MDGA2: variants seen among roughly 807,000 people sequenced by gnomAD.
MDGA2 encodes the protein MAM domain containing glycosylphosphatidylinositol anchor 2.
Under a neutral mutation model 117.8 loss-of-function variants are expected in MDGA2, and 40 were observed. That is an observed-to-expected ratio of 0.34 (90% CI 0.26 to 0.44). The LOEUF (loss-of-function observed/expected upper bound fraction) is 0.44, where lower values mean the gene tolerates loss of function less well. MDGA2 is among the 20% of genes least tolerant of loss of function. The pLI is 1.00. For synonymous variants in MDGA2, 452 were observed against 439.0 expected, an observed-to-expected ratio of 1.03 and a Z score of -0.37; for missense variants, 1,123 against 1,250.6, an observed-to-expected ratio of 0.90 and a Z score of 1.54.
chr14:47,323,225 T>G (rs1890041666), intron 1 of MDGA2, among the ~76,000 whole-genome samples: 1 of 148,130 alleles, frequency 6.8e-6, no homozygotes, highest in African/African-American at 2.5e-5. Context: ...TTTCGGTGAC[T>G]GTATGTAAAA....
At chr14:47,551,247 G>A (rs1371500476) in intron 1 of MDGA2, among the ~76,000 whole-genome samples, 1 of 152,074 alleles carries the variant, frequency 6.6e-6, no homozygotes, top group Non-Finnish European at 1.5e-5. Context: ...TTAGGTAGGT[G>A]GTTTTCCTTT....
At chr14:46,889,356 T>C (rs752799597) in intron 10 of MDGA2, among the ~76,000 whole-genome samples, 4 of 152,114 alleles carry the variant, frequency 2.6e-5, no homozygotes, top group Admixed American at 1.3e-4. Flanking sequence ...GAAGTGACTG[T>C]GTATTTTTTA....
chr14:47,427,508 T>G (rs1404707102), intron 1 of MDGA2, among the ~76,000 whole-genome samples: 1 of 142,992 alleles, frequency 7.0e-6, no homozygotes, highest in Non-Finnish European at 1.6e-5. Flanking sequence ...TCCATGTCAT[T>G]TTGTAATTAT....
intron 1 of MDGA2, among the ~76,000 whole-genome samples, chr14:47,621,596 C>CTA (rs1029256172): frequency 6.6e-6 from 1 of 152,162 alleles, no homozygotes; most frequent in African/African-American, 2.4e-5. Context: ...AAAACATGGG[C>CTA]ATTAGGAGTG....
At chr14:46,957,099 CTG>C in intron 9 of MDGA2, among the ~76,000 whole-genome samples, 2 of 152,224 alleles carry the variant, frequency 1.3e-5, no homozygotes, top group East Asian at 3.9e-4. Context: ...CTTTATAGCA[CTG>C]TGAGAATTGA....
intron 1 of MDGA2, among the ~76,000 whole-genome samples, chr14:47,583,839 C>A (rs186837966): frequency 4.0e-4 from 61 of 151,850 alleles, no homozygotes; most frequent in African/African-American, 1.3e-3. Context: ...AGAGCTTAGT[C>A]GTCCCTTTAG....
intron 1 of MDGA2, among the ~76,000 whole-genome samples, chr14:47,320,006 A>C (rs1889932306): frequency 6.6e-6 from 1 of 152,192 alleles, no homozygotes; most frequent in Non-Finnish European, 1.5e-5. Context: ...CCATATAAGC[A>C]TTAAAGCAGA....
In MDGA2 at chr14:47,391,640, G is replaced by GT. The variant is rs1891897713; in HGVS notation, c.281-90091dup. On this transcript the variant is annotated intron_variant, in intron 1 of 16. Coordinates refer to ENST00000399232, the MANE Select transcript of MDGA2 (RefSeq NM_001113498.3). ...AAGGCAACTCATTTCTCTGATCTTG[G>GT]TTTTATCAATTATTAAATGTCAGGT... Among the ~76,000 whole-genome samples, 5 of 152,200 alleles carry GT rather than the reference G, an allele frequency of 3.3e-5. No individual in the cohort carries two copies. The South Asian group carries it at 1.0e-3, about 32-fold the overall frequency.
chr14:46,967,484 T>C, intron 8 of MDGA2, among the ~76,000 whole-genome samples: 1 of 152,210 alleles, frequency 6.6e-6, no homozygotes, highest in East Asian at 1.9e-4. Context: ...AATTCTTCCA[T>C]TGCCCATTAA....
intron 1 of MDGA2, among the ~76,000 whole-genome samples, chr14:47,302,691 G>A (rs745391346): frequency 2.0e-5 from 3 of 151,970 alleles, no homozygotes; most frequent in Non-Finnish European, 4.4e-5. Context: ...AAGATTATAA[G>A]GCCAACTCAT....
At chr14:47,508,909 C>T (rs576096632) in intron 1 of MDGA2, among the ~76,000 whole-genome samples, 1 of 152,218 alleles carries the variant, frequency 6.6e-6, no homozygotes, top group East Asian at 1.9e-4. Context: ...CAAGGATGGT[C>T]TCGATCTCCT....
chr14:46,848,722 T>C (rs1230517277), intron 15 of MDGA2, among the ~76,000 whole-genome samples: 1 of 151,586 alleles, frequency 6.6e-6, no homozygotes, highest in African/African-American at 2.4e-5. Flanking sequence ...TGAGAGACTG[T>C]GTCGGGAAAC....
chr14:47,619,919 G>A (rs1189448757), intron 1 of MDGA2, among the ~76,000 whole-genome samples: 1 of 152,178 alleles, frequency 6.6e-6, no homozygotes. Flanking sequence ...AGATTGATCT[G>A]TTGTTGTCCT....
chr14:47,119,179 C>CG (rs1366391924), intron 5 of MDGA2, among the ~76,000 whole-genome samples: 5 of 67,698 alleles, frequency 7.4e-5, no homozygotes, highest in Non-Finnish European at 1.7e-4. Context: ...GCCCCGCCCC[C>CG]CCCCCCCCAC....
intron 1 of MDGA2, among the ~76,000 whole-genome samples, chr14:47,612,128 T>C (rs890051084): frequency 3.3e-5 from 5 of 152,094 alleles, no homozygotes; most frequent in African/African-American, 1.2e-4. Flanking sequence ...AGAAATATGA[T>C]TTCCCTATTC....
intron 1 of MDGA2, among the ~76,000 whole-genome samples, chr14:47,645,208 A>G (rs1897503266): frequency 6.6e-6 from 1 of 152,162 alleles, no homozygotes; most frequent in Admixed American, 6.5e-5. Flanking sequence ...TTCTCTAAAA[A>G]TAATGCAGCT....
intron 1 of MDGA2, among the ~76,000 whole-genome samples, chr14:47,377,667 G>A (rs1381805368): frequency 2.0e-5 from 3 of 152,124 alleles, no homozygotes; most frequent in Admixed American, 6.5e-5. Flanking sequence ...GCTGGGAGAG[G>A]GGCATCTGTC....
At chr14:47,494,303 G>T (rs552981785) in intron 1 of MDGA2, among the ~76,000 whole-genome samples, 1 of 152,278 alleles carries the variant, frequency 6.6e-6, no homozygotes, top group African/African-American at 2.4e-5. Context: ...TTTGTGCAGG[G>T]ATTGGTATAT....
At chr14:46,878,181 T>C (rs976005655) in intron 11 of MDGA2, among the ~76,000 whole-genome samples, 1 of 151,984 alleles carries the variant, frequency 6.6e-6, no homozygotes, top group Admixed American at 6.6e-5. Flanking sequence ...ATATTTGCAA[T>C]ACAAGTGCCA....
Sources: allele counts gnomAD v4.1 joint callset (sites outside exome capture counted in the v4.1 genomes callset), GRCh38; gene constraint gnomAD v4.1.1; transcripts MANE v1.5; gene names NCBI Gene and HGNC (gene_info 2026-07-23, HGNC 2026-07-21).